Variants in ADAMTS2 observed in about 807,000 individuals in gnomAD.
ADAMTS2 encodes A disintegrin and metalloproteinase with thrombospondin motifs 2.
A neutral mutation model predicts 123.0 loss-of-function variants in ADAMTS2; 50 were observed. The ratio of observed to expected loss-of-function variants is 0.41; its 90% confidence interval spans 0.32 to 0.51. The LOEUF (loss-of-function observed/expected upper bound fraction) is 0.51. Ranked by LOEUF, ADAMTS2 falls within the 20% of genes least tolerant of loss-of-function variation. The pLI is 0.35. For missense variants in ADAMTS2, 1,494 were observed against 1,705.2 expected, an observed-to-expected ratio of 0.88 and a Z score of 2.18; for synonymous variants, 678 against 695.4, an observed-to-expected ratio of 0.98 and a Z score of 0.39.
intron 2 of ADAMTS2, among the ~76,000 whole-genome samples, chr5:179,331,236 C>T (rs1473479002): frequency 1.4e-5 from 2 of 139,988 alleles, no homozygotes; most frequent in African/African-American, 5.4e-5. Context: ...AAGGTGGGAA[C>T]GGGGAGAGGA....
At chr5:179,207,474 C>CG in intron 4 of ADAMTS2, 39 bp downstream of exon 4, 35 of 927,294 alleles carry the variant, frequency 3.8e-5, no homozygotes, top group Non-Finnish European at 5.3e-5. Flanking sequence ...CTGGTTGACC[C>CG]TCCCCGCCCC....
intron 5 of ADAMTS2, among the ~76,000 whole-genome samples, chr5:179,176,751 C>G (rs1199501384): frequency 6.6e-6 from 1 of 152,232 alleles, no homozygotes; most frequent in African/African-American, 2.4e-5. Flanking sequence ...CTTAAAGCTG[C>G]CCTCATGGGC....
In ADAMTS2 at chr5:179,185,561, CCTT is replaced by C. The variant is rs926935603; in HGVS notation, c.892-4409_892-4407del. Among the ~76,000 whole-genome samples the C allele has an allele frequency of 6.6e-6, 1 of 152,138 alleles. No homozygotes were observed. Reference sequence around the variant, plus strand: ...CTCATCTCAAGAAGGAATCTTGTGTCCTTCTGAACATTGAGCAGATCTAATCCT... The same window carrying C: ...CTCATCTCAAGAAGGAATCTTGTGTCCTGAACATTGAGCAGATCTAATCCT... On this transcript the variant is annotated intron_variant, in intron 4 of 21. Coordinates refer to ENST00000251582, the MANE Select transcript of ADAMTS2 (RefSeq NM_014244.5). This position sits in a 1 kb window ranked among gnomAD's most constrained non-coding sequence, Gnocchi z 5.9.
In ADAMTS2 at chr5:179,133,869, A is replaced by AT. The variant is rs58394791; in HGVS notation, c.2086-970dup. On this transcript the variant is annotated intron_variant, in intron 13 of 21. Coordinates refer to ENST00000251582, the MANE Select transcript of ADAMTS2 (RefSeq NM_014244.5). ...GAGTCGCTGCCTGTAGTCCCAGCTA[A>AT]TTTTTTTTTTTTTTGTATTTTTAGT... 2.5e-3 allele frequency among the ~76,000 whole-genome samples: 368 copies of AT among 145,128 alleles called. 2 individuals are homozygous for AT. The highest frequency in any genetic ancestry group is 5.8e-3 in the East Asian group (28 of 4,814).
At chr5:179,276,672 A>G (rs914875100) in intron 2 of ADAMTS2, among the ~76,000 whole-genome samples, 1 of 152,228 alleles carries the variant, frequency 6.6e-6, no homozygotes, top group Admixed American at 6.5e-5. Flanking sequence ...TGCTGGGGAC[A>G]CACAGGTTCT....
intron 4 of ADAMTS2, among the ~76,000 whole-genome samples, chr5:179,195,612 T>G (rs1199076059): frequency 6.6e-6 from 1 of 152,242 alleles, no homozygotes; most frequent in East Asian, 1.9e-4. Context: ...GCGTGGCCTC[T>G]CCGGTCGCCC....
chr5:179,268,203 G>A (rs1766425213), intron 3 of ADAMTS2, among the ~76,000 whole-genome samples: 1 of 152,202 alleles, frequency 6.6e-6, no homozygotes, highest in Non-Finnish European at 1.5e-5. Flanking sequence ...TCCTTGCAGG[G>A]CCTCCCAGAC....
At chr5:179,137,536 T>G (rs1030945765) in intron 12 of ADAMTS2, among the ~76,000 whole-genome samples, 3 of 152,228 alleles carry the variant, frequency 2.0e-5, no homozygotes, top group Non-Finnish European at 1.5e-5. Context: ...ACCTCTTCCA[T>G]GTCCTCAGCT....
At chr5:179,340,391 C>T (rs1018360691) in intron 2 of ADAMTS2, among the ~76,000 whole-genome samples, 4 of 152,194 alleles carry the variant, frequency 2.6e-5, no homozygotes, top group Admixed American at 2.6e-4. Flanking sequence ...GCGCAGGTCA[C>T]GAGCCAGTCA....
intron 2 of ADAMTS2, among the ~76,000 whole-genome samples, chr5:179,329,076 C>T (rs1476129171): frequency 2.0e-5 from 3 of 152,134 alleles, no homozygotes; most frequent in African/African-American, 4.8e-5. Flanking sequence ...GCCTGCAATC[C>T]CAGCACTTTG....
intron 1 of ADAMTS2, among the ~76,000 whole-genome samples, chr5:179,344,859 G>A (rs1214033074): frequency 6.6e-6 from 1 of 152,184 alleles, no homozygotes; most frequent in Non-Finnish European, 1.5e-5. Flanking sequence ...GCGAGCCCCG[G>A]CGCCGCCTCG....
chr5:179,295,361 G>T (rs369378351), intron 2 of ADAMTS2, among the ~76,000 whole-genome samples: 5 of 152,292 alleles, frequency 3.3e-5, no homozygotes, highest in African/African-American at 1.2e-4. Flanking sequence ...GGAAACCAGG[G>T]CTGGGGAGAG....
chr5:179,148,392 C>G (rs1763291321), intron 10 of ADAMTS2, among the ~76,000 whole-genome samples: 1 of 152,162 alleles, frequency 6.6e-6, no homozygotes, highest in Non-Finnish European at 1.5e-5. Flanking sequence ...AGTCCCCTTT[C>G]CTGCAGACAG....
rs770322492 is a variant in ADAMTS2 at position 179,273,010 on chromosome 5, C to T, written c.589G>A (p.Gly197Arg). The change falls in exon 3 of 22, where the codon GGG becomes AGG. Residue 197 changes from glycine to arginine, a missense_variant. By Grantham distance (125) the Gly-to-Arg change is moderately radical. Transcript: ENST00000251582. ...TGCTCAGCCTCCTGCGCCGCCAGCC[C>T]CTTCTCCAAGGGTTCGATGAAGAAC... is the stretch of plus-strand genomic sequence containing the variant. Reference protein sequence around the residue: ...EEFFIEPLEKGLAAQEAEQGR... With the variant: ...EEFFIEPLEKRLAAQEAEQGR... The T allele has an allele frequency of 1.9e-6, 3 of 1,613,436 alleles. No individual in the cohort carries two copies. Among genetic ancestry groups the T allele is most frequent in the East Asian group, 2.2e-5 (1 of 44,884 alleles).
intron 2 of ADAMTS2, among the ~76,000 whole-genome samples, chr5:179,274,472 CCA>C (rs1266382259): frequency 3.9e-5 from 6 of 152,272 alleles, no homozygotes; most frequent in Non-Finnish European, 7.3e-5. Context: ...GGTCCCCTGT[CCA>C]GTTAGGAGTG....
intron 2 of ADAMTS2, among the ~76,000 whole-genome samples, chr5:179,318,569 C>T (rs917108465): frequency 2.0e-5 from 3 of 152,214 alleles, no homozygotes; most frequent in Admixed American, 1.3e-4. Context: ...CCCGCACACC[C>T]CTCGCCTCCG....
At chr5:179,141,951 A>T (rs1226558772) in intron 10 of ADAMTS2, among the ~76,000 whole-genome samples, 2 of 152,060 alleles carry the variant, frequency 1.3e-5, no homozygotes, top group Non-Finnish European at 2.9e-5. Flanking sequence ...GAAAGGGGCA[A>T]GCCCAGAAGA....
chr5:179,117,662 C>T lies in ADAMTS2; in HGVS notation c.3179-3338G>A, dbSNP rs187891808. ...CCGCCTCCTGGGTTCAAGAGCCTCC[C>T]GAGTAGCTGGGACTACAGGTGCGTG... is the stretch of plus-strand genomic sequence containing the variant. On this transcript the variant is annotated intron_variant, in intron 21 of 21. Transcript: ENST00000251582. The surrounding 1 kb of genome is among the most constrained non-coding windows in gnomAD (Gnocchi z 4.2). 1.6e-3 allele frequency among the ~76,000 whole-genome samples: 246 copies of T among 152,098 alleles called. No individual in the cohort carries two copies. Among genetic ancestry groups the T allele is most frequent in the African/African-American group, 5.5e-3 (227 of 41,482 alleles).
intron 3 of ADAMTS2, among the ~76,000 whole-genome samples, chr5:179,258,123 C>G (rs1372137536): frequency 6.6e-6 from 1 of 152,156 alleles, no homozygotes; most frequent in African/African-American, 2.4e-5. Flanking sequence ...CTCTGGCCTT[C>G]CTGGGGCCAG....
Sources: allele counts gnomAD v4.1 joint callset (sites outside exome capture counted in the v4.1 genomes callset), GRCh38; gene constraint gnomAD v4.1.1; non-coding constraint Gnocchi (gnomAD v3.1); transcripts MANE v1.5; gene names NCBI Gene and HGNC (gene_info 2026-07-23, HGNC 2026-07-21).